Variants in TBC1D5 observed in about 807,000 individuals in gnomAD.
The protein encoded by TBC1D5 is TBC1 domain family member 5.
In TBC1D5, 75 loss-of-function variants were observed where a neutral mutation model predicts 100.3. That is an observed-to-expected ratio of 0.75 (90% confidence interval 0.62 to 0.91). The LOEUF is 0.91. Among genes scored for constraint, TBC1D5 ranks in the 40% least tolerant of loss-of-function variants. The pLI is 0.00. For missense variants in TBC1D5, 910 were observed against 942.4 expected (o/e 0.97, Z 0.45); for synonymous variants, 323 against 325.6 (o/e 0.99, Z 0.09).
chr3:17,233,144 T>A lies in TBC1D5; in HGVS notation c.1588+5019A>T, dbSNP rs996120397. Among the ~76,000 whole-genome samples the A allele has an allele frequency of 2.8e-4, 42 of 152,178 alleles. 1 individual carries two copies. The highest frequency in any genetic ancestry group is 1.9e-4 in the East Asian group (1 of 5,200). ...ATATGATATTTAAACATTCTTTTTT[T>A]AAAACCATTGCCAGTTACCATAAAT... On this transcript the variant is annotated intron_variant, in intron 17 of 21. Transcript: ENST00000253692.
chr3:17,505,966 G>T (rs1240143557), intron 3 of TBC1D5, among the ~76,000 whole-genome samples: 1 of 152,032 alleles, frequency 6.6e-6, no homozygotes, highest in Non-Finnish European at 1.5e-5. Context: ...ATATATATCT[G>T]TATATATTTT....
chr3:17,671,734 A>G (rs2067969162), intron 1 of TBC1D5, among the ~76,000 whole-genome samples: 1 of 152,242 alleles, frequency 6.6e-6, no homozygotes, highest in South Asian at 2.1e-4. Flanking sequence ...TTAATTATAT[A>G]GAAAAAACAT....
chr3:17,206,153 T>C (rs2072153969), intron 18 of TBC1D5, among the ~76,000 whole-genome samples: 1 of 152,184 alleles, frequency 6.6e-6, no homozygotes, highest in Non-Finnish European at 1.5e-5. Context: ...AACGTTTGTA[T>C]TTAATGGGAG....
chr3:17,240,519 G>A (rs967357242), intron 16 of TBC1D5, among the ~76,000 whole-genome samples: 4 of 151,974 alleles, frequency 2.6e-5, no homozygotes, highest in Non-Finnish European at 5.9e-5. Flanking sequence ...TTTACTATAG[G>A]CTGGCAACAG....
At chr3:17,274,012 TAAAAA>T (rs34350746) in intron 15 of TBC1D5, among the ~76,000 whole-genome samples, 2 of 139,588 alleles carry the variant, frequency 1.4e-5, no homozygotes, top group Non-Finnish European at 3.1e-5. Flanking sequence ...TGTATTTAAT[TAAAAA>T]AAAAAAAAAA....
intron 3 of TBC1D5, among the ~76,000 whole-genome samples, chr3:17,470,979 C>T (rs1438455304): frequency 2.0e-5 from 3 of 152,070 alleles, no homozygotes; most frequent in Admixed American, 1.3e-4. Flanking sequence ...TATGATTTTC[C>T]CTCCCCAGCA....
chr3:17,387,682 G>T (rs2093209377), intron 8 of TBC1D5, among the ~76,000 whole-genome samples: 1 of 151,648 alleles, frequency 6.6e-6, no homozygotes, highest in Non-Finnish European at 1.5e-5. Flanking sequence ...AGATGGTGTG[G>T]ATTCAGGCTA....
intron 1 of TBC1D5, among the ~76,000 whole-genome samples, chr3:17,661,855 T>C (rs1379082274): frequency 6.6e-6 from 1 of 152,016 alleles, no homozygotes; most frequent in African/African-American, 2.4e-5. Context: ...TCACCTTCAT[T>C]TGAAATGGAA....
chr3:17,604,963 A>G (rs2061245182), intron 2 of TBC1D5, among the ~76,000 whole-genome samples: 1 of 152,202 alleles, frequency 6.6e-6, no homozygotes, highest in Non-Finnish European at 1.5e-5. Context: ...CGTGTGAACC[A>G]CCGCACCCAG....
Position 17,401,761 on chromosome 3 carries a change from C to T in TBC1D5, c.509+1420G>A, listed in dbSNP as rs181413579. On this transcript the variant is annotated intron_variant, in intron 8 of 21. Coordinates refer to ENST00000253692, the Ensembl canonical transcript of TBC1D5. ...CAAGTTTTTAAATATAACTACCTAG[C>T]ATTTTTAAAAAGGGATGCCTTTACA... 3.5e-3 allele frequency among the ~76,000 whole-genome samples: 532 copies of T among 152,192 alleles called. 4 individuals are homozygous for T. Among genetic ancestry groups the T allele is most frequent in the African/African-American group, 0.012 (504 of 41,532 alleles).
chr3:17,427,481 A>C (rs776067590), intron 4 of TBC1D5, among the ~76,000 whole-genome samples: 2 of 151,956 alleles, frequency 1.3e-5, no homozygotes, highest in African/African-American at 2.4e-5. Context: ...TTAAGAATAT[A>C]TAATATGTAT....
chr3:17,450,788 G>C (rs1452491852), intron 3 of TBC1D5, among the ~76,000 whole-genome samples: 2 of 151,740 alleles, frequency 1.3e-5, no homozygotes, highest in Non-Finnish European at 2.9e-5. Context: ...TGGAGAGAAT[G>C]GAACCAAGTT....
intron 1 of TBC1D5, among the ~76,000 whole-genome samples, chr3:17,694,241 C>T (rs1419516357): frequency 1.3e-5 from 2 of 152,138 alleles, no homozygotes; most frequent in Non-Finnish European, 1.5e-5. Flanking sequence ...GTACAGAGAA[C>T]GACTTTGACA....
rs34847216 is a variant in TBC1D5, at chr3:17,484,455, G to GGTGTGT, written c.97+24013_97+24018dup. ...TTTAAAGATAATAAGGTAACACCAGGGTGTGTGTGTGTGTGTGTGTGTGTG... is the reference window on the plus strand; with the variant it reads ...TTTAAAGATAATAAGGTAACACCAGGGTGTGTGTGTGTGTGTGTGTGTGTGTGTGTG... On this transcript the variant is annotated intron_variant, in intron 3 of 21. Coordinates refer to ENST00000253692, the Ensembl canonical transcript of TBC1D5. Among the ~76,000 whole-genome samples the GGTGTGT allele has an allele frequency of 1.2e-3, 129 of 111,546 alleles. 4 individuals are homozygous for GGTGTGT. Among genetic ancestry groups the GGTGTGT allele is most frequent in the Admixed American group, 7.3e-3 (82 of 11,270 alleles). The allele number at this position is 111,546 out of a possible 152,430, so 73.2% of individuals were successfully genotyped here.
chr3:17,382,182 T>C (rs1431012437), intron 9 of TBC1D5, among the ~76,000 whole-genome samples: 2 of 152,080 alleles, frequency 1.3e-5, no homozygotes, highest in African/African-American at 4.8e-5. Context: ...GCACCAAATG[T>C]TAACTCTAGA....
At chr3:17,422,936 A>G (rs916428682) in intron 4 of TBC1D5, among the ~76,000 whole-genome samples, 3 of 152,226 alleles carry the variant, frequency 2.0e-5, no homozygotes, top group African/African-American at 7.2e-5. Context: ...AATTTACTCA[A>G]TGATTCAAGA....
At chr3:17,658,553 C>T (rs1321091435) in intron 1 of TBC1D5, among the ~76,000 whole-genome samples, 2 of 152,188 alleles carry the variant, frequency 1.3e-5, no homozygotes, top group African/African-American at 4.8e-5. Flanking sequence ...ACAGAAGACT[C>T]CCAGCCAAGG....
At chr3:17,202,290 A>C (rs1407088245) in intron 18 of TBC1D5, among the ~76,000 whole-genome samples, 1 of 152,226 alleles carries the variant, frequency 6.6e-6, no homozygotes, top group Non-Finnish European at 1.5e-5. Context: ...AATTTCTAAG[A>C]AGCAAAGTGT....
chr3:17,351,233 T>C (rs1233980238), intron 13 of TBC1D5, among the ~76,000 whole-genome samples: 1 of 152,164 alleles, frequency 6.6e-6, no homozygotes, highest in African/African-American at 2.4e-5. Flanking sequence ...TTACTGGGTA[T>C]ATACCCAAAG....
Sources: allele counts gnomAD v4.1 joint callset (sites outside exome capture counted in the v4.1 genomes callset), GRCh38; gene constraint gnomAD v4.1.1; transcripts MANE v1.5; gene names NCBI Gene and HGNC (gene_info 2026-07-23, HGNC 2026-07-21).